The following MUC3A variants were observed in gnomAD, a reference collection of about 807,000 sequenced individuals.
The protein encoded by MUC3A is mucin 3A, cell surface associated, also known as mucin-3A.
Under a neutral mutation model 109.0 loss-of-function variants are expected in MUC3A, and 109 were observed. The ratio of observed to expected loss-of-function variants is 1.00; its 90% CI spans 0.86 to 1.17. The LOEUF (loss-of-function observed/expected upper bound fraction) is 1.17. Among genes scored for constraint, MUC3A ranks in the 50% most tolerant of loss-of-function variants. The pLI, the probability that MUC3A is intolerant of heterozygous loss-of-function variation, is 0.00. For synonymous variants in MUC3A, 1,398 were observed against 981.4 expected (o/e 1.42, Z -7.93); for missense variants, 3,537 against 2,469.4 (o/e 1.43, Z -9.16).
rs796551876 is a variant in MUC3A at position 100,963,949 on chromosome 7, T to C, written c.9233+197T>C. ...TCTGGAGGAGGGGTGGCACCTCTCT[T>C]CTTCAGCACACTGGAAGGAGAGAAG... On this transcript the variant is annotated intron_variant, in intron 5 of 11. Transcript: ENST00000379458. 3.4e-5 allele frequency: 24 copies of C among 712,682 alleles called. No homozygotes were observed. The African/African-American group carries it at 4.1e-4, about 12-fold the overall frequency. The allele number at this position is 712,682 out of a possible 1,614,324, so 44.1% of individuals were successfully genotyped here.
In MUC3A at chr7:100,960,825, T is replaced by C. The variant is rs1197885810; in HGVS notation, c.8940T>C (p.Cys2980=). The C allele has an allele frequency of 1.3e-6, 2 of 1,598,532 alleles. No individual in the cohort carries two copies. Among genetic ancestry groups the C allele is most frequent in the South Asian group, 2.2e-5 (2 of 91,092 alleles). The change falls in exon 3 of 12, where the codon TGT becomes TGC. Residue 2980 remains cysteine (C), a synonymous_variant. Coordinates refer to ENST00000379458, the MANE Select transcript of MUC3A (RefSeq NM_005960.2). ...TTCCGGGGTTTTCTGGGGACCGCTG[T>C]CAGCTCCAGACCAGATGCCAGAATG... is the stretch of plus-strand genomic sequence containing the variant. The part of the protein sequence containing the change: ...ACLPGFSGDR[C]QLQTRCQNGG...
In MUC3A at chr7:100,957,512, C is replaced by T. The variant is rs1016046705; in HGVS notation, c.5733C>T (p.Ile1911=). ...SHSTPSFTSS[I]ATTETPSHST... ...GTACTCCTAGCTTCACTTCTTCAAT[C>T]GCAACCACCGAGACCCCCTCACACA... The change falls in exon 2 of 12, where the codon ATC becomes ATT. Residue 1911 remains isoleucine, a synonymous_variant. Coordinates refer to ENST00000379458, the MANE Select transcript of MUC3A (RefSeq NM_005960.2). 82 of 1,440,704 alleles carry T rather than the reference C, an allele frequency of 5.7e-5. No individual in the cohort carries two copies. The highest frequency in any genetic ancestry group is 6.9e-5 in the Admixed American group (3 of 43,344). 89.2% of individuals were successfully genotyped at this position (1,440,704 alleles called of 1,614,324 possible).
intron 1 of MUC3A, among the ~76,000 whole-genome samples, chr7:100,951,443 A>G (rs528924712): frequency 8.1e-5 from 11 of 135,008 alleles, no homozygotes; most frequent in African/African-American, 2.8e-4. Flanking sequence ...CAGAAGGTTA[A>G]TGGGGGGATG....
In MUC3A at chr7:100,959,130, A is replaced by T. The variant is rs1162012938; in HGVS notation, c.7351A>T (p.Thr2451Ser). The change falls in exon 2 of 12, where the codon ACA becomes TCA. Residue 2451 changes from threonine (T) to serine (S), a missense_variant. Thr to Ser is a moderately conservative substitution (Grantham distance 58). Coordinates refer to ENST00000379458, the MANE Select transcript of MUC3A (RefSeq NM_005960.2). ...CCTCAGTTCTTCAACCATCTACTCC[A>T]CAGTCAGCACATCCACAACTGCCAT... ...PSLSSSTIYS[T>S]VSTSTTAITS... 1 of 1,444,726 alleles carries T rather than the reference A, an allele frequency of 6.9e-7. No individual in the cohort carries two copies. The highest frequency in any genetic ancestry group is 9.1e-7 in the Non-Finnish European group (1 of 1,103,256). The allele number at this position is 1,444,726 out of a possible 1,614,324, so 89.5% of individuals were successfully genotyped here.
intron 5 of MUC3A, 97 bp downstream of exon 5, chr7:100,963,849 A>G (rs990657015): frequency 2.6e-6 from 4 of 1,542,014 alleles, no homozygotes; most frequent in Admixed American, 1.9e-5. Context: ...ATCAGATTTT[A>G]TAAAGAGGGG....
At position 100,963,188 on chromosome 7, in the gene MUC3A, G is replaced by T; in HGVS notation, c.9090G>T (p.Val3030=). 1 of 1,594,234 alleles carries T rather than the reference G, an allele frequency of 6.3e-7. No individual in the cohort carries two copies. Among genetic ancestry groups the T allele is most frequent in the Non-Finnish European group, 8.5e-7 (1 of 1,177,742 alleles). ...CCGAGGTGGGCATGGAAGTGTCTGT[G>T]GATCAGCAGTTCTCGCCGGACCTCA... The part of the protein sequence containing the change: ...VETEVGMEVS[V]DQQFSPDLND... The change falls in exon 4 of 12, where the codon GTG becomes GTT. Residue 3030 remains valine, a synonymous_variant. Coordinates refer to ENST00000379458, the MANE Select transcript of MUC3A (RefSeq NM_005960.2).
At chr7:100,963,563 G>C (rs1442432552) in intron 4 of MUC3A, 125 bp from the exon 5 acceptor site, 2 of 1,443,058 alleles carry the variant, frequency 1.4e-6, no homozygotes, top group Admixed American at 1.9e-5. Context: ...GGGATTACAG[G>C]CGTGAGCCAC....
intron 8 of MUC3A, 50 bp from the exon 9 acceptor site, chr7:100,966,336 G>T: frequency 7.8e-7 from 1 of 1,288,024 alleles, no homozygotes; most frequent in Non-Finnish European, 9.8e-7. Context: ...GTGCACGGGT[G>T]GACCCCGAGC....
At position 100,951,899 on chromosome 7, in the gene MUC3A, CAG is replaced by C; in HGVS notation, c.121_122del (p.Ser41ArgfsTer43). On this transcript the variant is annotated frameshift_variant, in exon 2 of 12. Transcript: ENST00000379458. LOFTEE classifies it high-confidence loss of function. ...QVPFPRAEAA[S>X]AVLSNSPHSR... ...TGCCTTTCCCCAGAGCAGAAGCAGC[CAG>C]CGCTGTGCTCAGCAATTCTCCACAC... 1 of 1,598,624 alleles carries C rather than the reference CAG, an allele frequency of 6.3e-7. No individual in the cohort carries two copies. The highest frequency in any genetic ancestry group is 1.1e-5 in the South Asian group (1 of 91,092).
In MUC3A at chr7:100,960,258, A is replaced by G. The variant is rs1318393109; in HGVS notation, c.8479A>G (p.Thr2827Ala). The G allele has an allele frequency of 1.9e-6, 3 of 1,598,426 alleles. No individual in the cohort carries two copies. The highest frequency in any genetic ancestry group is 1.3e-5 in the African/African-American group (1 of 74,962). Reference protein sequence around the residue: ...TSISIQTTLTTYMDTSSMMPE... With the variant: ...TSISIQTTLTAYMDTSSMMPE... ...CATCAGTATCCAAACTACTCTTACT[A>G]CATATATGGACACTTCTTCCATGAT... Residue 2827 changes from threonine (T) to alanine (A), a missense_variant, in exon 2 of 12, where the codon ACA (threonine) becomes GCA (alanine). Thr to Ala is a moderately conservative substitution (Grantham distance 58, BLOSUM62 0). Coordinates refer to ENST00000379458, the MANE Select transcript of MUC3A (RefSeq NM_005960.2).
chr7:100,964,480 A>T, intron 5 of MUC3A: 1 of 701,362 alleles, frequency 1.4e-6, no homozygotes, highest in Non-Finnish European at 2.2e-6. Context: ...AGAGAGAGGA[A>T]GTCAATCATG....
chr7:100,967,076 A>G (rs1792612287), intron 11 of MUC3A, 45 bp from the exon 12 acceptor site: 1 of 1,598,414 alleles, frequency 6.3e-7, no homozygotes, highest in African/African-American at 1.3e-5. Flanking sequence ...CTGTCAGCCC[A>G]AACCAGTGGC....
rs773263045 is a variant in MUC3A at position 100,965,876 on chromosome 7, C to T, written c.9611+10C>T. The T allele has an allele frequency of 3.1e-6, 5 of 1,587,316 alleles. No individual in the cohort carries two copies. Among genetic ancestry groups the T allele is most frequent in the African/African-American group, 1.3e-5 (1 of 74,782 alleles). ...GCGGTCCCACGTGTCGGTAAGGCCCCGCTCACCATCGGCATCAGCCGAGCC... is the reference window on the plus strand; with the variant it reads ...GCGGTCCCACGTGTCGGTAAGGCCCTGCTCACCATCGGCATCAGCCGAGCC... On this transcript the variant is annotated intron_variant, in intron 8 of 11. Transcript: ENST00000379458.
chr7:100,958,648 C>G lies in MUC3A; in HGVS notation c.6869C>G (p.Ser2290Cys), dbSNP rs28617762. ...SETPSHSTPS[S>C]TSLITTTKTT... ...ACCCCCTCACACAGTACTCCCAGCT[C>G]CACTTCTTTAATCACCACCACCAAG... is the stretch of plus-strand genomic sequence containing the variant. The change falls in exon 2 of 12, where the codon TCC (serine) becomes TGC (cysteine). Residue 2290 changes from serine (S) to cysteine (C), a missense_variant. Transcript: ENST00000379458. 5.3e-5 allele frequency: 17 copies of G among 318,184 alleles called. No individual in the cohort carries two copies. Among genetic ancestry groups the G allele is most frequent in the African/African-American group, 9.6e-5 (1 of 10,430 alleles). The allele number at this position is 318,184 out of a possible 1,614,324, so 19.7% of individuals were successfully genotyped here. A position where few individuals can be genotyped will look rare whatever the true frequency, so the allele number is the denominator to read the frequency against.
intron 3 of MUC3A, among the ~76,000 whole-genome samples, chr7:100,961,263 A>T (rs547772172): frequency 7.1e-3 from 1,074 of 151,866 alleles, no homozygotes; most frequent in Middle Eastern, 0.051. Flanking sequence ...AGAATTCTGT[A>T]GATTAGAAGT....
In MUC3A at chr7:100,964,706, T is replaced by C. The variant is rs1481340604; in HGVS notation, c.9245T>C (p.Ile3082Thr). 2 of 1,598,268 alleles carry C rather than the reference T, an allele frequency of 1.3e-6. No homozygotes were observed. Among genetic ancestry groups the C allele is most frequent in the South Asian group, 1.1e-5 (1 of 91,058 alleles). Residue 3082 changes from isoleucine (I) to threonine (T), a missense_variant, in exon 6 of 12, where the codon ATC (isoleucine) becomes ACC (threonine). Transcript: ENST00000379458. ...VEILSLRNGS[I>T]VVDYLVLLEM... is the part of the protein sequence containing the mutation. The stretch of plus-strand genomic sequence containing the variant: ...TGTGGACCCCTCAGGAATGGCAGCA[T>C]CGTGGTGGACTACCTGGTCCTGCTG...
rs763377540 is a variant in MUC3A at position 100,958,815 on chromosome 7, A to C, written c.7036A>C (p.Thr2346Pro). The C allele has an allele frequency of 8.6e-7, 1 of 1,161,896 alleles. No homozygotes were observed. The highest frequency in any genetic ancestry group is 3.9e-5 in the African/African-American group (1 of 25,572). The allele number at this position is 1,161,896 out of a possible 1,614,324, so 72.0% of individuals were successfully genotyped here. ...TACTCGCAGCTTCACTTCTTCGATCACCACCACCGAGACCAACTCTCACAG... is the reference window on the plus strand; with the variant it reads ...TACTCGCAGCTTCACTTCTTCGATCCCCACCACCGAGACCAACTCTCACAG... The part of the protein sequence containing the change: ...HNTRSFTSSI[T>P]TTETNSHSTT... Residue 2346 changes from threonine (T) to proline (P), a missense_variant, in exon 2 of 12, where the codon ACC becomes CCC. Thr to Pro is a conservative substitution (Grantham distance 38). Transcript: ENST00000379458.
chr7:100,956,743 C>G lies in MUC3A; in HGVS notation c.4964C>G (p.Thr1655Arg). The change falls in exon 2 of 12, where the codon ACA (threonine) becomes AGA (arginine). Residue 1655 changes from threonine (T) to arginine (R), a missense_variant. By Grantham distance (71) the Thr-to-Arg change is moderately conservative. Transcript: ENST00000379458. Reference sequence around the variant, plus strand: ...AACACTCCAACAAGGTCCCTCCTGACAAGCTTTCCAGTGACACATTCATTT... The same window carrying G: ...AACACTCCAACAAGGTCCCTCCTGAGAAGCTTTCCAGTGACACATTCATTT... The part of the protein sequence containing the change: ...TENTPTRSLL[T>R]SFPVTHSFSS... 1 of 409,604 alleles carries G rather than the reference C, an allele frequency of 2.4e-6. No individual in the cohort carries two copies. The highest frequency in any genetic ancestry group is 4.3e-6 in the Non-Finnish European group (1 of 233,796). The allele number at this position is 409,604 out of a possible 1,614,324, so 25.4% of individuals were successfully genotyped here.
At position 100,956,431 on chromosome 7, in the gene MUC3A, C is replaced by G. The variant is rs1028428401; in HGVS notation, c.4652C>G (p.Thr1551Ser). ...ACCACTGCCATCACCTCAGTTCCCACTACCTTGGGTACCATGGTGACTTCT... is the reference window on the plus strand; with the variant it reads ...ACCACTGCCATCACCTCAGTTCCCAGTACCTTGGGTACCATGGTGACTTCT... ...TPTTAITSVP[T>S]TLGTMVTSTS... The change falls in exon 2 of 12, where the codon ACT becomes AGT. Residue 1551 changes from threonine (T) to serine (S), a missense_variant. Physicochemically the swap from Thr to Ser is moderately conservative, Grantham distance 58 (BLOSUM62 1). Coordinates refer to ENST00000379458, the MANE Select transcript of MUC3A (RefSeq NM_005960.2). The G allele has an allele frequency of 2.2e-4, 111 of 514,850 alleles. No homozygotes were observed. In the African/African-American group the frequency reaches 4.5e-3, roughly 21 times the overall value. 31.9% of individuals were successfully genotyped at this position (514,850 alleles called of 1,614,324 possible).
Sources: gnomAD v4.1 joint callset for allele counts (sites outside exome capture counted in the v4.1 genomes callset) on GRCh38, gnomAD v4.1.1 for gene constraint, MANE v1.5 for transcripts, NCBI Gene and HGNC (gene_info 2026-07-23, HGNC 2026-07-21) for gene names.